Variants in FAM177A1 observed in about 807,000 individuals in gnomAD.
FAM177A1 encodes the protein family with sequence similarity 177 member A1, also known as protein FAM177A1.
Under a neutral mutation model 26.1 loss-of-function variants are expected in FAM177A1, and 22 were observed. The ratio of observed to expected loss-of-function variants is 0.84; its 90% CI spans 0.60 to 1.20. The LOEUF is 1.20. FAM177A1 is among the 50% of genes most tolerant of loss of function. FAM177A1 has a pLI of 0.00. For synonymous variants in FAM177A1, 95 were observed against 99.3 expected, an observed-to-expected ratio of 0.96 and a Z score of 0.26; for missense variants, 296 against 291.1, an observed-to-expected ratio of 1.02 and a Z score of -0.12.
chr14:35,070,944 G>A (rs2045311498), intron 2 of FAM177A1, among the ~76,000 whole-genome samples: 1 of 151,876 alleles, frequency 6.6e-6, no homozygotes, highest in African/African-American at 2.4e-5. Flanking sequence ...CTAGGTGGTG[G>A]AAAATGGGTG....
intron 2 of FAM177A1, among the ~76,000 whole-genome samples, chr14:35,068,188 G>T (rs906571295): frequency 1.3e-5 from 2 of 152,086 alleles, no homozygotes; most frequent in African/African-American, 4.8e-5. Flanking sequence ...AATCTCCATC[G>T]GTGGCAGTAA....
chr14:35,063,651 C>T (rs1422186955), intron 2 of FAM177A1, among the ~76,000 whole-genome samples: 2 of 152,116 alleles, frequency 1.3e-5, no homozygotes, highest in Admixed American at 6.5e-5. Context: ...AAATCTAGTC[C>T]TGCACCCAGA....
rs1486570299 is a variant in FAM177A1 at position 35,082,182 on chromosome 14, C to T, written c.*954C>T. The T allele has an allele frequency of 2.0e-5, 3 of 152,092 alleles. No homozygotes were observed. The highest frequency in any genetic ancestry group is 4.4e-5 in the Non-Finnish European group (3 of 68,016). 9.4% of individuals were successfully genotyped at this position (152,092 alleles called of 1,614,324 possible). ...CTCTACCTACTTGGTTATTTGTAAA[C>T]CTTACAAATGTATATATTGTGAAGC... On this transcript the variant is annotated 3_prime_UTR_variant, in exon 5 of 5. Transcript: ENST00000280987.
chr14:35,046,166 A>C (rs1011138667), upstream of FAM177A1: 13 of 256,218 alleles, frequency 5.1e-5, no homozygotes, highest in Admixed American at 3.3e-4. Context: ...AGGCGGTGCC[A>C]GGCGGGGATC....
intron 1 of FAM177A1, among the ~76,000 whole-genome samples, chr14:35,052,435 T>G (rs990652658): frequency 6.6e-6 from 1 of 151,892 alleles, no homozygotes; most frequent in African/African-American, 2.4e-5. Flanking sequence ...GGTCTCGATC[T>G]CCTGACCTTG....
At chr14:35,054,693 TG>T (rs1262727493) in intron 2 of FAM177A1, 3 of 152,044 alleles carry the variant, frequency 2.0e-5, no homozygotes, top group Non-Finnish European at 1.5e-5. Context: ...TAGAAAATCA[TG>T]CCAGGTGTGG....
chr14:35,079,622 C>T (rs1446867603), intron 4 of FAM177A1, among the ~76,000 whole-genome samples: 2 of 152,134 alleles, frequency 1.3e-5, no homozygotes, highest in Admixed American at 6.5e-5. Flanking sequence ...ACACTTAACC[C>T]CTCTATAAGC....
intron 4 of FAM177A1, among the ~76,000 whole-genome samples, chr14:35,079,638 T>G (rs2045449534): frequency 6.6e-6 from 1 of 152,148 alleles, no homozygotes; most frequent in Non-Finnish European, 1.5e-5. Flanking sequence ...TAAGCCTCAA[T>G]CTCCTCATCT....
chr14:35,045,940 G>T (rs1186281866), upstream of FAM177A1: 1 of 152,270 alleles, frequency 6.6e-6, no homozygotes, highest in African/African-American at 2.4e-5. Flanking sequence ...TGTCACCCAC[G>T]TTTGGAATGG....
Position 35,064,251 on chromosome 14 carries a change from G to A in FAM177A1, c.339+10800G>A, listed in dbSNP as rs1347192363. 2.6e-5 allele frequency among the ~76,000 whole-genome samples: 4 copies of A among 151,868 alleles called. No homozygotes were observed. In the East Asian group the frequency reaches 5.8e-4, roughly 22 times the overall value. ...AAAATACAAAAATTAGCTGGGCGTG[G>A]TAGCATGCACCTGTAATACCAGCTA... On this transcript the variant is annotated intron_variant, in intron 2 of 4. Coordinates refer to ENST00000280987, the MANE Select transcript of FAM177A1 (RefSeq NM_173607.5).
At chr14:35,050,449 C>T (rs2044946852) in intron 1 of FAM177A1, 1 of 151,948 alleles carries the variant, frequency 6.6e-6, no homozygotes, top group Non-Finnish European at 1.5e-5. Context: ...CCTGTTAGTG[C>T]TTCCTTCATT....
chr14:35,066,531 T>C (rs1216685516), intron 2 of FAM177A1, among the ~76,000 whole-genome samples: 12 of 151,572 alleles, frequency 7.9e-5, no homozygotes, highest in Non-Finnish European at 1.6e-4. Context: ...CAGTCTCCCT[T>C]GTAGCTGGGA....
chr14:35,048,960 G>A (rs920478983), intron 1 of FAM177A1, among the ~76,000 whole-genome samples: 1 of 150,164 alleles, frequency 6.7e-6, no homozygotes, highest in Admixed American at 6.7e-5. Context: ...GCATGATCTT[G>A]GCTCACTGCA....
At chr14:35,058,422 A>G (rs552334689) in intron 2 of FAM177A1, among the ~76,000 whole-genome samples, 5 of 151,994 alleles carry the variant, frequency 3.3e-5, no homozygotes, top group Admixed American at 6.6e-5. Flanking sequence ...TGAATTGTCT[A>G]TTTCTCCCTC....
intron 2 of FAM177A1, among the ~76,000 whole-genome samples, chr14:35,070,580 G>C (rs112389179): frequency 2.0e-5 from 3 of 150,204 alleles, no homozygotes; most frequent in African/African-American, 7.4e-5. Flanking sequence ...TGCCCACCTT[G>C]GCCTCCCAAA....
At chr14:35,072,335 T>C (rs2045334941) in intron 2 of FAM177A1, among the ~76,000 whole-genome samples, 1 of 152,098 alleles carries the variant, frequency 6.6e-6, no homozygotes, top group Non-Finnish European at 1.5e-5. Flanking sequence ...AAAATATATT[T>C]ACTATTCATT....
intron 4 of FAM177A1, 142 bp downstream of exon 4, chr14:35,079,166 T>A (rs930828152): frequency 9.9e-6 from 6 of 606,784 alleles, no homozygotes; most frequent in Middle Eastern, 2.6e-4. Context: ...CATTAATTTC[T>A]TTTATCAAAG....
At position 35,079,031 on chromosome 14, in the gene FAM177A1, C is replaced by G. The variant is rs1164810012; in HGVS notation, c.504+7C>G. On this transcript the variant is annotated splice_region_variant and intron_variant, in intron 4 of 4. Coordinates refer to ENST00000280987, the MANE Select transcript of FAM177A1 (RefSeq NM_173607.5). Reference sequence around the variant, plus strand: ...TTATCGGATGAAGAAGGAGGTATGCCTCCTTTTTACATTTTCTTGATTCAG... The same window carrying G: ...TTATCGGATGAAGAAGGAGGTATGCGTCCTTTTTACATTTTCTTGATTCAG... 1.3e-6 allele frequency: 2 copies of G among 1,549,756 alleles called. No homozygotes were observed. The highest frequency in any genetic ancestry group is 1.7e-6 in the Non-Finnish European group (2 of 1,157,920).
At chr14:35,076,886 G>A (rs773731660) in intron 2 of FAM177A1, among the ~76,000 whole-genome samples, 4 of 152,222 alleles carry the variant, frequency 2.6e-5, no homozygotes, top group Non-Finnish European at 5.9e-5. Context: ...TCCAGACTGC[G>A]ATTACCAACT....
Sources: allele counts gnomAD v4.1 joint callset (sites outside exome capture counted in the v4.1 genomes callset), GRCh38; gene constraint gnomAD v4.1.1; transcripts MANE v1.5; gene names NCBI Gene and HGNC (gene_info 2026-07-23, HGNC 2026-07-21).